Variants in CPLX4 observed in about 807,000 individuals in gnomAD.
CPLX4 encodes complexin-4.
CPLX4 carries 17 observed loss-of-function variants against 16.1 expected under a neutral mutation model. The observed-to-expected ratio is 1.06, with a 90% CI of 0.72 to 1.59. The LOEUF is 1.59. Among genes scored for constraint, CPLX4 ranks in the 40% most tolerant of loss-of-function variants. The probability of loss-of-function intolerance (pLI) is 0.00; values close to 1 mark genes in which losing one functional copy is unlikely to be tolerated. For missense variants in CPLX4, 193 were observed against 192.9 expected (o/e 1.00, Z 0.00); for synonymous variants, 55 against 57.8 (o/e 0.95, Z 0.22).
intron 2 of CPLX4, among the ~76,000 whole-genome samples, chr18:59,299,469 C>T (rs2070524717): frequency 6.6e-6 from 1 of 152,078 alleles, no homozygotes; most frequent in Admixed American, 6.6e-5. Flanking sequence ...GCTAGAGGGG[C>T]TAGAGGAAAG....
intron 2 of CPLX4, among the ~76,000 whole-genome samples, chr18:59,301,663 C>T (rs551605099): frequency 2.0e-5 from 3 of 152,326 alleles, no homozygotes; most frequent in South Asian, 2.1e-4. Context: ...ATTGAGCTAG[C>T]CCTAGACCTA....
rs2070537754 is a variant in CPLX4 at position 59,301,071 on chromosome 18, A to G, written c.256-4146T>C. 2.0e-5 allele frequency among the ~76,000 whole-genome samples: 3 copies of G among 152,132 alleles called. No individual in the cohort carries two copies. In the South Asian group the frequency reaches 6.2e-4, roughly 32 times the overall value. On this transcript the variant is annotated intron_variant, in intron 2 of 2. Coordinates refer to ENST00000299721, the MANE Select transcript of CPLX4 (RefSeq NM_181654.4). ...GTTCCTGGTGCCAGCCCTCACTGGG[A>G]AGGGCCTTAGGACCTTGGGTGCATG...
chr18:59,308,711 T>G (rs1364018659), intron 2 of CPLX4, among the ~76,000 whole-genome samples: 2 of 152,194 alleles, frequency 1.3e-5, no homozygotes, highest in Admixed American at 6.5e-5. Context: ...TGGCGACCGC[T>G]GCGCCCTCCT....
intron 2 of CPLX4, among the ~76,000 whole-genome samples, chr18:59,309,846 AAAG>A (rs1265087924): frequency 2.1e-4 from 29 of 137,000 alleles, no homozygotes; most frequent in African/African-American, 9.4e-4. Flanking sequence ...AAAAAAAGAA[AAAG>A]AAAAAAAGAG....
rs965263702 is a variant in CPLX4 at position 59,296,541 on chromosome 18, G to A, written c.*157C>T. The A allele has an allele frequency of 1.3e-5, 10 of 756,818 alleles. No homozygotes were observed. Among genetic ancestry groups the A allele is most frequent in the African/African-American group, 1.2e-4 (7 of 56,082 alleles). The allele number at this position is 756,818 out of a possible 1,614,324, so 46.9% of individuals were successfully genotyped here. A position where few individuals can be genotyped will look rare whatever the true frequency, so the allele number is the denominator to read the frequency against. ...AAGGTGTTAGCTAAATGCTCTGCCA[G>A]GAATATTTAGAACAACCAAATTATT... On this transcript the variant is annotated 3_prime_UTR_variant, in exon 3 of 3. Coordinates refer to ENST00000299721, the MANE Select transcript of CPLX4 (RefSeq NM_181654.4).
chr18:59,314,053 C>A (rs1451449166), intron 1 of CPLX4, among the ~76,000 whole-genome samples: 1 of 152,174 alleles, frequency 6.6e-6, no homozygotes, highest in Non-Finnish European at 1.5e-5. Context: ...GGAGCTGCAG[C>A]AAATGATCAG....
At chr18:59,301,080 A>G (rs509886) in intron 2 of CPLX4, among the ~76,000 whole-genome samples, 93,419 of 152,076 alleles carry the variant, frequency 0.61, 30,094 homozygotes, top group African/African-American at 0.83. Context: ...GAAGGGCCTT[A>G]GGACCTTGGG....
chr18:59,298,279 T>C (rs1416284795), intron 2 of CPLX4, among the ~76,000 whole-genome samples: 2 of 152,122 alleles, frequency 1.3e-5, no homozygotes, highest in East Asian at 3.9e-4. Context: ...ACTTAGGCTA[T>C]AGAGTCTCTT....
chr18:59,318,312 G>A lies in CPLX4; in HGVS notation c.151C>T (p.Gln51Ter), dbSNP rs1264575213. Residue 51 changes from glutamine to a stop codon, truncating the protein, a stop_gained, in exon 1 of 3, where the codon CAA (glutamine) becomes TAA (stop). Transcript: ENST00000299721. LOFTEE classifies it high-confidence loss of function. Reference protein sequence around the residue: ...TREEYEEYQKQMIEEKMERDA... With the variant: ...TREEYEEYQK ...TGTACTCACTTCTCCTCAATCATTTGCTTTTGATACTCCTCATACTCCTCT... is the reference window on the plus strand; with the variant it reads ...TGTACTCACTTCTCCTCAATCATTTACTTTTGATACTCCTCATACTCCTCT... The A allele has an allele frequency of 3.7e-6, 6 of 1,608,168 alleles. No individual in the cohort carries two copies. The highest frequency in any genetic ancestry group is 5.1e-6 in the Non-Finnish European group (6 of 1,178,128).
chr18:59,313,201 G>A (rs916844112), intron 1 of CPLX4, among the ~76,000 whole-genome samples: 4 of 152,134 alleles, frequency 2.6e-5, no homozygotes, highest in Admixed American at 1.3e-4. Context: ...CAAGCTCCCC[G>A]AGTGATTCTT....
At chr18:59,302,971 G>C (rs370906350) in intron 2 of CPLX4, among the ~76,000 whole-genome samples, 34 of 152,354 alleles carry the variant, frequency 2.2e-4, no homozygotes, top group African/African-American at 7.9e-4. Flanking sequence ...GATACCAAAA[G>C]CTAGAAGAAT....
At chr18:59,305,432 G>A (rs1358985966) in intron 2 of CPLX4, among the ~76,000 whole-genome samples, 1 of 152,174 alleles carries the variant, frequency 6.6e-6, no homozygotes, top group Non-Finnish European at 1.5e-5. Context: ...ACCTCAGTAT[G>A]GAGGGGGACA....
chr18:59,299,041 G>A (rs970127572), intron 2 of CPLX4, among the ~76,000 whole-genome samples: 1 of 152,250 alleles, frequency 6.6e-6, no homozygotes, highest in Non-Finnish European at 1.5e-5. Context: ...GATAAGTGAA[G>A]CCTCTCCCTG....
chr18:59,300,822 G>C lies in CPLX4; in HGVS notation c.256-3897C>G, dbSNP rs557949834. Among the ~76,000 whole-genome samples the C allele has an allele frequency of 8.5e-5, 13 of 152,182 alleles. No individual in the cohort carries two copies. The South Asian group carries it at 2.7e-3, about 32-fold the overall frequency. ...TGTGATGTCCTGGCACCTTACCTCT[G>C]ACCTAGCAATGACTCCTACCTTCAC... On this transcript the variant is annotated intron_variant, in intron 2 of 2. Transcript: ENST00000299721.
chr18:59,312,578 A>G (rs2070625073), intron 2 of CPLX4, 107 bp downstream of exon 2: 2 of 260,368 alleles, frequency 7.7e-6, no homozygotes, highest in Non-Finnish European at 1.4e-5. Context: ...TCTTGAATAT[A>G]TATATATATA....
intron 2 of CPLX4, among the ~76,000 whole-genome samples, chr18:59,304,662 C>G (rs2070563593): frequency 6.6e-6 from 1 of 152,150 alleles, no homozygotes; most frequent in African/African-American, 2.4e-5. Context: ...ACCTCCAACT[C>G]TCTGGTTCAA....
intron 2 of CPLX4, among the ~76,000 whole-genome samples, chr18:59,303,922 A>G (rs1246150227): frequency 6.6e-6 from 1 of 152,202 alleles, no homozygotes; most frequent in Non-Finnish European, 1.5e-5. Context: ...CCGCCTGGCC[A>G]CCAGAAACAG....
Position 59,296,706 on chromosome 18 carries a change from C to T in CPLX4, c.475G>A (p.Val159Met), listed in dbSNP as rs202101844. The T allele has an allele frequency of 1.4e-4, 227 of 1,586,152 alleles. 2 individuals carry two copies. Among genetic ancestry groups the T allele is most frequent in the Middle Eastern group, 1.3e-3 (8 of 5,960 alleles). ...TCCACCCCTCCCACCCCTCACATCA[C>T]GGAACACTTCTGCTCCGCTGTCTGC... ...IKQTAEQKCS[V>M]M is the part of the protein sequence containing the mutation. The change falls in exon 3 of 3, where the codon GTG becomes ATG. Residue 159 changes from valine (V) to methionine (M), a missense_variant. Coordinates refer to ENST00000299721, the MANE Select transcript of CPLX4 (RefSeq NM_181654.4).
chr18:59,304,003 G>A (rs922347113), intron 2 of CPLX4, among the ~76,000 whole-genome samples: 1 of 152,188 alleles, frequency 6.6e-6, no homozygotes, highest in Non-Finnish European at 1.5e-5. Context: ...TAATCTGAAG[G>A]GGTCTGGCAA....
Sources: allele counts gnomAD v4.1 joint callset (sites outside exome capture counted in the v4.1 genomes callset), GRCh38; gene constraint gnomAD v4.1.1; transcripts MANE v1.5; gene names NCBI Gene and HGNC (gene_info 2026-07-23, HGNC 2026-07-21).